The following IL1RL2 variants were observed in gnomAD, a reference collection of about 807,000 sequenced individuals.
IL1RL2 encodes the protein interleukin-1 receptor-like 2.
Under a neutral mutation model 66.8 loss-of-function variants are expected in IL1RL2, and 68 were observed. The observed-to-expected ratio is 1.02, with a 90% CI of 0.84 to 1.25. IL1RL2 has a LOEUF of 1.25. IL1RL2 is among the 50% of genes most tolerant of loss of function. The probability of loss-of-function intolerance (pLI) is 0.00; values close to 1 mark genes in which losing one functional copy is unlikely to be tolerated. For synonymous variants in IL1RL2, 305 were observed against 264.6 expected (o/e 1.15, Z -1.48); for missense variants, 729 against 709.3 (o/e 1.03, Z -0.32).
intron 8 of IL1RL2, among the ~76,000 whole-genome samples, chr2:102,223,325 C>T (rs1375701769): frequency 6.6e-6 from 1 of 152,132 alleles, no homozygotes; most frequent in Non-Finnish European, 1.5e-5. Flanking sequence ...AGATTTGAAT[C>T]TTATTTGGTT....
intron 6 of IL1RL2, among the ~76,000 whole-genome samples, chr2:102,213,191 T>G (rs1689328713): frequency 6.6e-6 from 1 of 152,162 alleles, no homozygotes; most frequent in Non-Finnish European, 1.5e-5. Context: ...AACATACTCT[T>G]GCTTTGAGAA....
At chr2:102,188,395 T>C (rs560743387) in intron 2 of IL1RL2, among the ~76,000 whole-genome samples, 3 of 152,056 alleles carry the variant, frequency 2.0e-5, no homozygotes, top group South Asian at 4.2e-4. Flanking sequence ...CCATCCTGGC[T>C]AACACGGTGA....
chr2:102,189,888 G>A (rs1385958155), intron 3 of IL1RL2, among the ~76,000 whole-genome samples: 1 of 152,212 alleles, frequency 6.6e-6, no homozygotes, highest in Non-Finnish European at 1.5e-5. Flanking sequence ...TACTGAACTC[G>A]TGATCCGCCC....
intron 5 of IL1RL2, among the ~76,000 whole-genome samples, chr2:102,206,925 T>G (rs1248023915): frequency 6.6e-6 from 1 of 152,226 alleles, no homozygotes; most frequent in Non-Finnish European, 1.5e-5. Flanking sequence ...AGTGTTTTTT[T>G]GTACTGCAGC....
chr2:102,194,151 A>G (rs1480031528), intron 4 of IL1RL2, among the ~76,000 whole-genome samples: 1 of 152,112 alleles, frequency 6.6e-6, no homozygotes, highest in Non-Finnish European at 1.5e-5. Context: ...TAGTCCCCCA[A>G]ATAACCACTT....
At position 102,226,150 on chromosome 2, in the gene IL1RL2, A is replaced by G. The variant is rs536805169; in HGVS notation, c.1135+109A>G. On this transcript the variant is annotated intron_variant, in intron 9 of 11. Transcript: ENST00000264257. The stretch of plus-strand genomic sequence containing the variant: ...ATTTTACTACGTTGTTGGCAAATTT[A>G]GGGAAAGGAATCTCCTTGGAACTGC... 23 of 864,976 alleles carry G rather than the reference A, an allele frequency of 2.7e-5. No individual in the cohort carries two copies. The African/African-American group carries it at 3.1e-4, about 12-fold the overall frequency. 53.6% of individuals were successfully genotyped at this position (864,976 alleles called of 1,614,324 possible).
At chr2:102,198,755 G>T (rs982635540) in intron 4 of IL1RL2, among the ~76,000 whole-genome samples, 5 of 151,832 alleles carry the variant, frequency 3.3e-5, no homozygotes, top group African/African-American at 7.3e-5. Flanking sequence ...TTTCAGCTGC[G>T]GTCATCTTCT....
At chr2:102,198,072 TATGGCTTC>T (rs1687935269) in intron 4 of IL1RL2, among the ~76,000 whole-genome samples, 1 of 152,218 alleles carries the variant, frequency 6.6e-6, no homozygotes, top group African/African-American at 2.4e-5. Flanking sequence ...GACAGAGATA[TATGGCTTC>T]ATGGCTCTGT....
intron 8 of IL1RL2, among the ~76,000 whole-genome samples, chr2:102,221,542 G>A (rs1294624510): frequency 6.6e-6 from 1 of 152,076 alleles, no homozygotes; most frequent in Non-Finnish European, 1.5e-5. Flanking sequence ...CAAAATCTGG[G>A]GTCATTTTAT....
intron 4 of IL1RL2, among the ~76,000 whole-genome samples, chr2:102,192,962 T>G (rs1229413739): frequency 6.6e-6 from 1 of 152,200 alleles, no homozygotes; most frequent in South Asian, 2.1e-4. Flanking sequence ...TGGAAAATTG[T>G]TTAGCAGCTC....
At chr2:102,189,829 T>A (rs1687075411) in intron 3 of IL1RL2, among the ~76,000 whole-genome samples, 1 of 152,198 alleles carries the variant, frequency 6.6e-6, no homozygotes, top group African/African-American at 2.4e-5. Context: ...ATTTTTTGTA[T>A]TTTTAGTAGA....
chr2:102,217,750 C>A (rs1689736565), intron 6 of IL1RL2, among the ~76,000 whole-genome samples: 1 of 152,074 alleles, frequency 6.6e-6, no homozygotes, highest in Admixed American at 6.5e-5. Context: ...TGAAACTAGA[C>A]CCCTATCTTT....
Position 102,187,935 on chromosome 2 carries a change from G to C in IL1RL2, c.58+10G>C, listed in dbSNP as rs781442304. ...CTGTCTGTCACAGCAGGTACGTTCC[G>C]TGTGTCCTCCGTTCCCAGAGGCTGC... is the stretch of plus-strand genomic sequence containing the variant. On this transcript the variant is annotated intron_variant, in intron 2 of 11. Transcript: ENST00000264257. The C allele has an allele frequency of 6.2e-7, 1 of 1,613,430 alleles. No homozygotes were observed.
intron 5 of IL1RL2, among the ~76,000 whole-genome samples, chr2:102,209,912 C>G (rs528000317): frequency 2.6e-5 from 4 of 152,090 alleles, no homozygotes; most frequent in Admixed American, 2.6e-4. Context: ...GGTTCTGTGC[C>G]AGGCAGAGAG....
intron 5 of IL1RL2, among the ~76,000 whole-genome samples, chr2:102,203,149 C>A (rs975705680): frequency 1.3e-5 from 2 of 152,042 alleles, no homozygotes; most frequent in Non-Finnish European, 2.9e-5. Context: ...TGGTTTTTAG[C>A]CTTTATTCTG....
At chr2:102,241,774 A>G (rs557172523), downstream of IL1RL2, among the ~76,000 whole-genome samples, 2 of 152,390 alleles carry the variant, frequency 1.3e-5, no homozygotes, top group East Asian at 3.9e-4. Context: ...CACAGTTGTT[A>G]GACATGGCCC....
chr2:102,217,498 A>T (rs1689714288), intron 6 of IL1RL2, among the ~76,000 whole-genome samples: 1 of 152,176 alleles, frequency 6.6e-6, no homozygotes, highest in South Asian at 2.1e-4. Flanking sequence ...CCAAAAACAA[A>T]GCTGGAGGTA....
intron 4 of IL1RL2, among the ~76,000 whole-genome samples, chr2:102,197,712 G>A (rs1018343143): frequency 2.6e-5 from 4 of 152,180 alleles, no homozygotes; most frequent in East Asian, 3.8e-4. Context: ...CTGGAGACAC[G>A]GAAATTTCTC....
intron 4 of IL1RL2, among the ~76,000 whole-genome samples, chr2:102,195,765 G>A (rs1471062507): frequency 4.1e-5 from 6 of 145,882 alleles, no homozygotes; most frequent in Non-Finnish European, 7.5e-5. Context: ...CTAGGCTAGA[G>A]GGCAGTGGTG....
Sources: gnomAD v4.1 joint callset for allele counts (sites outside exome capture counted in the v4.1 genomes callset) on GRCh38, gnomAD v4.1.1 for gene constraint, MANE v1.5 for transcripts, NCBI Gene and HGNC (gene_info 2026-07-23, HGNC 2026-07-21) for gene names.